Variants in SCAPER observed in about 807,000 individuals in gnomAD.
SCAPER encodes S-phase cyclin A associated protein in the ER, also known as S phase cyclin A-associated protein in the endoplasmic reticulum.
SCAPER carries 98 observed loss-of-function variants against 182.2 expected under a neutral mutation model. The ratio of observed to expected loss-of-function variants is 0.54; its 90% CI spans 0.46 to 0.64. The LOEUF (loss-of-function observed/expected upper bound fraction) is 0.64. SCAPER is among the 30% of genes least tolerant of loss of function. The pLI is 0.00. For synonymous variants in SCAPER, 605 were observed against 564.6 expected (o/e 1.07, Z -1.01); for missense variants, 1,432 against 1,690.0 (o/e 0.85, Z 2.68).
At chr15:76,481,234 T>C (rs1450877467) in intron 24 of SCAPER, among the ~76,000 whole-genome samples, 1 of 152,204 alleles carries the variant, frequency 6.6e-6, no homozygotes, top group African/African-American at 2.4e-5. Context: ...GAAAATTAGA[T>C]TGTGGCTAAA....
At position 76,354,200 on chromosome 15, in the gene SCAPER, C is replaced by T; in HGVS notation, c.3856-60G>A. On this transcript the variant is annotated intron_variant, in intron 29 of 31. Transcript: ENST00000563290. The surrounding 1 kb of genome is among the most constrained non-coding windows in gnomAD (Gnocchi z 4.4). ...AACGCCCCAGCCTGTCCCTCACCCA[C>T]CTGCACAGTGTCGGCTAGTACCATG... is the stretch of plus-strand genomic sequence containing the variant. 1 of 1,506,708 alleles carries T rather than the reference C, an allele frequency of 6.6e-7. No homozygotes were observed. Among genetic ancestry groups the T allele is most frequent in the South Asian group, 1.3e-5 (1 of 78,934 alleles). 93.3% of individuals were successfully genotyped at this position (1,506,708 alleles called of 1,614,324 possible). A position where few individuals can be genotyped will look rare whatever the true frequency, so the allele number is the denominator to read the frequency against.
chr15:76,639,124 G>C (rs2053887855), intron 21 of SCAPER, among the ~76,000 whole-genome samples: 2 of 152,124 alleles, frequency 1.3e-5, no homozygotes, highest in South Asian at 4.2e-4. Flanking sequence ...GGAATAAAGA[G>C]GCTGATCACA....
At chr15:76,424,172 C>G (rs1419754531) in intron 26 of SCAPER, among the ~76,000 whole-genome samples, 1 of 152,056 alleles carries the variant, frequency 6.6e-6, no homozygotes, top group Non-Finnish European at 1.5e-5. Flanking sequence ...TCCTGGATAT[C>G]CTTGTTAACT....
intron 5 of SCAPER, among the ~76,000 whole-genome samples, chr15:76,831,512 C>T (rs1165835115): frequency 6.6e-6 from 1 of 151,498 alleles, no homozygotes; most frequent in Non-Finnish European, 1.5e-5. Context: ...CACAGGGCCC[C>T]CATTGTTCTG....
intron 20 of SCAPER, among the ~76,000 whole-genome samples, chr15:76,673,822 G>C (rs891716909): frequency 6.6e-6 from 1 of 151,976 alleles, no homozygotes; most frequent in Non-Finnish European, 1.5e-5. Context: ...CATGTCAAAA[G>C]GACTTGAAAA....
chr15:76,752,696 T>C (rs1568015934), intron 15 of SCAPER, among the ~76,000 whole-genome samples: 1 of 151,636 alleles, frequency 6.6e-6, no homozygotes, highest in Non-Finnish European at 1.5e-5. Context: ...ATCTAGAAAG[T>C]AGAATGATGA....
intron 17 of SCAPER, among the ~76,000 whole-genome samples, chr15:76,727,785 G>A (rs1165800551): frequency 1.3e-5 from 2 of 151,170 alleles, no homozygotes; most frequent in African/African-American, 2.4e-5. Context: ...ACAACCTATA[G>A]GTATATTTGC....
chr15:76,409,747 G>A (rs747264803), intron 26 of SCAPER, among the ~76,000 whole-genome samples: 1 of 152,078 alleles, frequency 6.6e-6, no homozygotes, highest in Non-Finnish European at 1.5e-5. Context: ...GCAATTCCAT[G>A]GTTTCAACTA....
chr15:76,871,886 T>A (rs537052772), intron 2 of SCAPER, among the ~76,000 whole-genome samples: 1 of 152,260 alleles, frequency 6.6e-6, no homozygotes, highest in South Asian at 2.1e-4. Context: ...CCACCACGCC[T>A]GGCACAATTT....
intron 2 of SCAPER, 149 bp downstream of exon 2, chr15:76,883,663 T>C: frequency 1.5e-6 from 1 of 685,240 alleles, no homozygotes; most frequent in South Asian, 2.2e-5. Flanking sequence ...AATAGTACAT[T>C]CATAGCTGCT....
chr15:76,585,643 G>T (rs2048595373), intron 22 of SCAPER, among the ~76,000 whole-genome samples: 1 of 152,138 alleles, frequency 6.6e-6, no homozygotes, highest in Non-Finnish European at 1.5e-5. Context: ...CAAGAGGCTT[G>T]TATTTCACCC....
chr15:76,615,094 C>A (rs746559260), intron 22 of SCAPER, among the ~76,000 whole-genome samples: 1 of 152,048 alleles, frequency 6.6e-6, no homozygotes, highest in African/African-American at 2.4e-5. Flanking sequence ...AAAAGACATA[C>A]AATTAAGTAG....
chr15:76,579,160 G>T (rs185493356), intron 22 of SCAPER, among the ~76,000 whole-genome samples: 2 of 150,944 alleles, frequency 1.3e-5, no homozygotes, highest in South Asian at 4.2e-4. Flanking sequence ...CAGCTACTCA[G>T]GAGGCTGAGG....
At chr15:76,417,891 G>A (rs781070162) in intron 26 of SCAPER, among the ~76,000 whole-genome samples, 20 of 152,160 alleles carry the variant, frequency 1.3e-4, no homozygotes, top group South Asian at 2.1e-4. Flanking sequence ...GGTGGTGCGC[G>A]CCTATAGTCC....
At chr15:76,411,810 G>A (rs769105335) in intron 26 of SCAPER, among the ~76,000 whole-genome samples, 35 of 152,042 alleles carry the variant, frequency 2.3e-4, no homozygotes, top group South Asian at 6.2e-4. Context: ...TATTTTAGCC[G>A]TTTTATTGGA....
chr15:76,395,603 T>C (rs1248290554), intron 27 of SCAPER, among the ~76,000 whole-genome samples: 1 of 152,224 alleles, frequency 6.6e-6, no homozygotes, highest in Non-Finnish European at 1.5e-5. Context: ...TGATCAATGA[T>C]GTTGAGCACC....
At chr15:76,733,902 T>C (rs527428412) in intron 15 of SCAPER, among the ~76,000 whole-genome samples, 10 of 152,312 alleles carry the variant, frequency 6.6e-5, no homozygotes, top group South Asian at 2.1e-4. Flanking sequence ...ATCCAGTGTG[T>C]ATAAAAAATC....
chr15:76,623,122 T>C (rs1036924714), intron 21 of SCAPER, among the ~76,000 whole-genome samples: 2 of 152,250 alleles, frequency 1.3e-5, no homozygotes, highest in African/African-American at 4.8e-5. Flanking sequence ...TATTCAATTG[T>C]CTAAGTTCCT....
intron 26 of SCAPER, among the ~76,000 whole-genome samples, chr15:76,423,818 TG>T (rs918994331): frequency 1.3e-5 from 2 of 152,248 alleles, no homozygotes; most frequent in African/African-American, 2.4e-5. Context: ...TGGTATGTTT[TG>T]TCTTTGCTCT....
Sources: allele counts gnomAD v4.1 joint callset (sites outside exome capture counted in the v4.1 genomes callset), GRCh38; gene constraint gnomAD v4.1.1; non-coding constraint Gnocchi (gnomAD v3.1); transcripts MANE v1.5; gene names NCBI Gene and HGNC (gene_info 2026-07-23, HGNC 2026-07-21).